Variants in ZNF385D observed in about 807,000 individuals in gnomAD.
The protein encoded by ZNF385D is zinc finger protein 385D, also known as zinc finger protein 659.
A neutral mutation model predicts 35.8 loss-of-function variants in ZNF385D; 15 were observed. The observed-to-expected ratio is 0.42, with a 90% CI of 0.28 to 0.64. The LOEUF (loss-of-function observed/expected upper bound fraction) is 0.64, where lower values mean the gene tolerates loss of function less well. Among genes scored for constraint, ZNF385D ranks in the 30% least tolerant of loss-of-function variants. The pLI is 0.23. For missense variants in ZNF385D, 474 were observed against 494.6 expected (o/e 0.96, Z 0.39); for synonymous variants, 212 against 186.8 (o/e 1.13, Z -1.10).
chr3:22,139,510 C>G (rs1010948054), intron 3 of ZNF385D, among the ~76,000 whole-genome samples: 4 of 150,896 alleles, frequency 2.7e-5, no homozygotes, highest in Admixed American at 6.6e-5. Context: ...CAAACTATTG[C>G]AAGGACAACA....
intron 3 of ZNF385D, among the ~76,000 whole-genome samples, chr3:21,995,659 C>A (rs1195730194): frequency 6.6e-6 from 1 of 151,690 alleles, no homozygotes; most frequent in Non-Finnish European, 1.5e-5. Flanking sequence ...TCCCCATACC[C>A]CCAAATGGCA....
intron 3 of ZNF385D, among the ~76,000 whole-genome samples, chr3:21,819,709 CGT>C (rs1491373571): frequency 7.1e-6 from 1 of 141,672 alleles, no homozygotes; most frequent in Non-Finnish European, 1.5e-5. Context: ...TATATATACA[CGT>C]ATATATATAC....
intron 3 of ZNF385D, among the ~76,000 whole-genome samples, chr3:22,147,458 C>T (rs1704935101): frequency 6.6e-6 from 1 of 152,078 alleles, no homozygotes; most frequent in South Asian, 2.1e-4. Context: ...AAGAGATATT[C>T]TCTTTTGCTG....
At chr3:21,860,589 G>C (rs1696994244) in intron 3 of ZNF385D, among the ~76,000 whole-genome samples, 1 of 152,128 alleles carries the variant, frequency 6.6e-6, no homozygotes, top group African/African-American at 2.4e-5. Context: ...AAGTGCTCCT[G>C]GGACAGGAAA....
chr3:21,938,864 A>G (rs1022322321), intron 3 of ZNF385D, among the ~76,000 whole-genome samples: 1 of 152,086 alleles, frequency 6.6e-6, no homozygotes, highest in East Asian at 1.9e-4. Flanking sequence ...CCCAACTTTT[A>G]CTTTAATTTT....
rs201785883 is a variant in ZNF385D, at chr3:21,948,089, C to CT, written c.325+220727dup. On this transcript the variant is annotated intron_variant, in intron 3 of 5. Transcript: ENST00000494108. The stretch of plus-strand genomic sequence containing the variant: ...TTATAATTTACTAATTAATGTACAT[C>CT]TTTTTTTCCTGTCAATATCACACTA... 5.3e-3 allele frequency among the ~76,000 whole-genome samples: 809 copies of CT among 152,048 alleles called. 2 individuals are homozygous for CT. The highest frequency in any genetic ancestry group is 8.9e-3 in the South Asian group (43 of 4,822).
At chr3:21,828,882 C>G (rs1694821583) in intron 3 of ZNF385D, among the ~76,000 whole-genome samples, 1 of 152,220 alleles carries the variant, frequency 6.6e-6, no homozygotes, top group East Asian at 1.9e-4. Context: ...TACTTCCCCT[C>G]TCTCCATTTT....
intron 3 of ZNF385D, among the ~76,000 whole-genome samples, chr3:21,881,357 G>A (rs534508885): frequency 4.1e-4 from 63 of 152,012 alleles, no homozygotes; most frequent in African/African-American, 1.3e-3. Flanking sequence ...AACATCCTAT[G>A]CCCTTAAGAA....
chr3:21,906,208 T>C (rs1699676742), intron 3 of ZNF385D, among the ~76,000 whole-genome samples: 1 of 152,214 alleles, frequency 6.6e-6, no homozygotes, highest in South Asian at 2.1e-4. Flanking sequence ...TATTTTGTAC[T>C]GTAATTAATC....
At chr3:22,009,343 G>T (rs988450672) in intron 3 of ZNF385D, among the ~76,000 whole-genome samples, 5 of 152,040 alleles carry the variant, frequency 3.3e-5, no homozygotes, top group African/African-American at 9.6e-5. Context: ...AATAGATTTG[G>T]CTAGGCGAGG....
intron 3 of ZNF385D, among the ~76,000 whole-genome samples, chr3:21,843,804 G>T (rs1372985828): frequency 6.6e-6 from 1 of 151,842 alleles, no homozygotes. Context: ...CAATTCAAAG[G>T]GTCCCAGGTG....
At chr3:21,940,951 G>A (rs1701487124) in intron 3 of ZNF385D, among the ~76,000 whole-genome samples, 7 of 152,128 alleles carry the variant, frequency 4.6e-5, no homozygotes, top group Admixed American at 4.6e-4. Context: ...CATAATTCAT[G>A]TTTCATCAAA....
chr3:21,850,633 T>C (rs1696324322), intron 3 of ZNF385D, among the ~76,000 whole-genome samples: 1 of 152,112 alleles, frequency 6.6e-6, no homozygotes, highest in Non-Finnish European at 1.5e-5. Context: ...ACAGGACAAG[T>C]ATCCGGGAGC....
chr3:21,695,821 C>G (rs2125362513), intron 1 of ZNF385D, among the ~76,000 whole-genome samples: 1 of 151,826 alleles, frequency 6.6e-6, no homozygotes, highest in Non-Finnish European at 1.5e-5. Flanking sequence ...ATTCCCTTGT[C>G]ATTTTAATTG....
intron 3 of ZNF385D, among the ~76,000 whole-genome samples, chr3:22,046,307 G>C (rs1370820790): frequency 6.6e-6 from 1 of 152,054 alleles, no homozygotes; most frequent in Non-Finnish European, 1.5e-5. Context: ...TATGTTACCA[G>C]TCCTCTTATT....
chr3:21,937,798 A>G (rs1701330288), intron 3 of ZNF385D, among the ~76,000 whole-genome samples: 1 of 152,230 alleles, frequency 6.6e-6, no homozygotes, highest in Admixed American at 6.5e-5. Flanking sequence ...CTAAGGTCTT[A>G]TCAACCCAAT....
At chr3:21,954,623 A>G (rs903595113) in intron 3 of ZNF385D, among the ~76,000 whole-genome samples, 6 of 152,132 alleles carry the variant, frequency 3.9e-5, no homozygotes, top group African/African-American at 1.4e-4. Flanking sequence ...TAATAGTTAT[A>G]TCCTAACAAC....
Position 21,488,334 on chromosome 3 carries a change from CACAG to C in ZNF385D, c.439+22523_439+22526del, listed in dbSNP as rs1209544749. Among the ~76,000 whole-genome samples, 21 of 71,156 alleles carry C rather than the reference CACAG, an allele frequency of 3.0e-4. No individual in the cohort carries two copies. In the East Asian group the frequency reaches 0.013, roughly 45 times the overall value. The allele number at this position is 71,156 out of a possible 152,430, so 46.7% of individuals were successfully genotyped here. On this transcript the variant is annotated intron_variant, in intron 4 of 7. Transcript: ENST00000281523. ...TTTAAATTGAATCTAATAAGCTACA[CACAG>C]ACACACAGACACACACACACACACA... is the stretch of plus-strand genomic sequence containing the variant.
At chr3:22,265,392 A>C (rs1700847075) in intron 2 of ZNF385D, among the ~76,000 whole-genome samples, 1 of 152,022 alleles carries the variant, frequency 6.6e-6, no homozygotes, top group Non-Finnish European at 1.5e-5. Context: ...ATTTTTGTGA[A>C]ACATTATTGG....
Sources: allele counts gnomAD v4.1 joint callset (sites outside exome capture counted in the v4.1 genomes callset), GRCh38; gene constraint gnomAD v4.1.1; transcripts MANE v1.5; gene names NCBI Gene and HGNC (gene_info 2026-07-23, HGNC 2026-07-21).